The following DISP1 variants were observed in gnomAD, a reference collection of about 807,000 sequenced individuals.
The protein encoded by DISP1 is dispatched RND transporter family member 1.
Under a neutral mutation model 37.3 loss-of-function variants are expected in DISP1, and 30 were observed. That is an observed-to-expected ratio of 0.80 (90% CI 0.60 to 1.09). DISP1 has a LOEUF of 1.09. Ranked by LOEUF, DISP1 falls within the 50% of genes least tolerant of loss-of-function variation. The probability of loss-of-function intolerance (pLI) is 0.00; values close to 1 mark genes in which losing one functional copy is unlikely to be tolerated. For synonymous variants in DISP1, 634 were observed against 690.2 expected (o/e 0.92, Z 1.28); for missense variants, 1,598 against 1,879.5 (o/e 0.85, Z 2.77).
chr1:222,907,144 ATTG>A (rs1671945724), intron 1 of DISP1, among the ~76,000 whole-genome samples: 1 of 152,170 alleles, frequency 6.6e-6, no homozygotes, highest in Admixed American at 6.5e-5. Flanking sequence ...CTGAGGCAGG[ATTG>A]TTGTAGAGGC....
intron 1 of DISP1, among the ~76,000 whole-genome samples, chr1:222,875,144 G>T (rs1217213702): frequency 6.6e-6 from 1 of 152,106 alleles, no homozygotes; most frequent in East Asian, 1.9e-4. Context: ...AGTCATTTAG[G>T]TTGGGCCTTA....
intron 8 of DISP1, among the ~76,000 whole-genome samples, chr1:222,998,559 T>G (rs1679230977): frequency 6.6e-6 from 1 of 152,152 alleles, no homozygotes; most frequent in Non-Finnish European, 1.5e-5. Flanking sequence ...CAGAAATGCT[T>G]GTTTCCTTAC....
Position 223,004,432 on chromosome 1 carries a change from C to T in DISP1, c.3035C>T (p.Ala1012Val), listed in dbSNP as rs1387200351. ...TGGAACATCATCATAAGCCTTTATG[C>T]CATCATTTCAATTGCTGGAACGATA... ...TTWNIIISLY[A>V]IISIAGTIFV... Residue 1012 changes from alanine (A) to valine (V), a missense_variant, in exon 9 of 9, where the codon GCC becomes GTC. Transcript: ENST00000675850. This position sits in a 1 kb window ranked among gnomAD's most constrained non-coding sequence, Gnocchi z 4.9. 6 of 1,614,082 alleles carry T rather than the reference C, an allele frequency of 3.7e-6. No individual in the cohort carries two copies. The highest frequency in any genetic ancestry group is 4.2e-6 in the Non-Finnish European group (5 of 1,180,044).
At chr1:222,868,178 T>A (rs1669305616) in intron 1 of DISP1, among the ~76,000 whole-genome samples, 1 of 151,298 alleles carries the variant, frequency 6.6e-6, no homozygotes, top group Non-Finnish European at 1.5e-5. Flanking sequence ...AGCCCAGGAG[T>A]TCGAGTCCAG....
At chr1:222,953,753 A>G (rs1446752209) in intron 3 of DISP1, among the ~76,000 whole-genome samples, 2 of 152,236 alleles carry the variant, frequency 1.3e-5, no homozygotes, top group Admixed American at 6.5e-5. Context: ...TCAGCTTGGC[A>G]GTCAGACAGA....
intron 3 of DISP1, 52 bp from the exon 4 acceptor site, chr1:222,983,028 G>A: frequency 7.2e-7 from 1 of 1,388,352 alleles, no homozygotes; most frequent in South Asian, 1.2e-5. Context: ...ATGTTATGAT[G>A]TTTATGATGC....
At chr1:222,936,618 T>TATATATATCTCTCATATATATGAGAG (rs1673762242) in intron 2 of DISP1, among the ~76,000 whole-genome samples, 2 of 100,570 alleles carry the variant, frequency 2.0e-5, no homozygotes, top group Non-Finnish European at 4.3e-5. Flanking sequence ...ATATATGAGA[T>TATATATATCTCTCATATATATGAGAG]ATATATATCT....
chr1:222,825,443 C>A (rs1030889423), intron 1 of DISP1, among the ~76,000 whole-genome samples: 3 of 151,010 alleles, frequency 2.0e-5, no homozygotes, highest in Non-Finnish European at 4.4e-5. Context: ...GCAGTAGATC[C>A]TTTTTTAACT....
At chr1:222,941,673 T>C (rs1674395982) in intron 2 of DISP1, among the ~76,000 whole-genome samples, 1 of 152,122 alleles carries the variant, frequency 6.6e-6, no homozygotes, top group African/African-American at 2.4e-5. Context: ...GGAATCCTCA[T>C]GGGGGATCCA....
chr1:222,862,550 G>T (rs1481542722), intron 1 of DISP1, among the ~76,000 whole-genome samples: 1 of 145,106 alleles, frequency 6.9e-6, no homozygotes, highest in African/African-American at 2.6e-5. Flanking sequence ...TTTGAGACAG[G>T]ACTTTACTCT....
chr1:222,821,657 C>G (rs1662964069), intron 1 of DISP1, among the ~76,000 whole-genome samples: 1 of 152,138 alleles, frequency 6.6e-6, no homozygotes. Flanking sequence ...GGGTGGATCA[C>G]TTGAGGTCAG....
intron 2 of DISP1, among the ~76,000 whole-genome samples, chr1:222,934,117 C>T (rs1377800722): frequency 6.6e-6 from 1 of 151,958 alleles, no homozygotes; most frequent in South Asian, 2.1e-4. Flanking sequence ...GACCTTCAGA[C>T]AGAATTTTAC....
chr1:222,971,555 T>C lies in DISP1; in HGVS notation c.510-11525T>C, dbSNP rs528733632. Among the ~76,000 whole-genome samples, 9 of 152,204 alleles carry C rather than the reference T, an allele frequency of 5.9e-5. No individual in the cohort carries two copies. The South Asian group carries it at 1.7e-3, about 28-fold the overall frequency. ...TAATAATGTTTCTGTAATTTTAAGC[T>C]TAAGTAACAGTTCTTACATTGAACA... On this transcript the variant is annotated intron_variant, in intron 3 of 8. Coordinates refer to ENST00000675850, the MANE Select transcript of DISP1 (RefSeq NM_001377229.1).
intron 2 of DISP1, among the ~76,000 whole-genome samples, chr1:222,936,644 T>G (rs1441656577): frequency 1.9e-4 from 21 of 112,200 alleles, no homozygotes; most frequent in African/African-American, 5.3e-4. Context: ...ATATATGAGA[T>G]ATATATATCT....
At chr1:222,885,815 T>C (rs560891650) in intron 1 of DISP1, among the ~76,000 whole-genome samples, 1 of 152,146 alleles carries the variant, frequency 6.6e-6, no homozygotes, top group Non-Finnish European at 1.5e-5. Context: ...TACGTATATG[T>C]ACTAACATGT....
At chr1:222,937,184 G>T (rs1167477332) in intron 2 of DISP1, among the ~76,000 whole-genome samples, 11 of 149,776 alleles carry the variant, frequency 7.3e-5, no homozygotes, top group Admixed American at 6.8e-4. Context: ...CCGCCTCCTG[G>T]GTTCACGCCA....
chr1:222,988,210 G>A (rs1678413612), intron 4 of DISP1, among the ~76,000 whole-genome samples: 1 of 152,136 alleles, frequency 6.6e-6, no homozygotes, highest in Non-Finnish European at 1.5e-5. Context: ...TTCAAACTTA[G>A]AACCCATATG....
chr1:222,923,568 GA>G (rs1480072042), intron 1 of DISP1, among the ~76,000 whole-genome samples: 1 of 152,102 alleles, frequency 6.6e-6, no homozygotes, highest in Non-Finnish European at 1.5e-5. Context: ...GTGTTTAAAG[GA>G]ACTCATAGTC....
At chr1:222,870,825 T>C (rs1174102882) in intron 1 of DISP1, among the ~76,000 whole-genome samples, 1 of 152,244 alleles carries the variant, frequency 6.6e-6, no homozygotes, top group African/African-American at 2.4e-5. Context: ...TTGGATTTTG[T>C]TGCCATTGCT....
Sources: gnomAD v4.1 joint callset for allele counts (sites outside exome capture counted in the v4.1 genomes callset) on GRCh38, gnomAD v4.1.1 for gene constraint, Gnocchi (gnomAD v3.1) non-coding constraint, MANE v1.5 for transcripts, NCBI Gene and HGNC (gene_info 2026-07-23, HGNC 2026-07-21) for gene names.